Variants in CORO2B observed in about 807,000 individuals in gnomAD.
CORO2B encodes the protein coronin 2B.
In CORO2B, 26 loss-of-function variants were observed where a neutral mutation model predicts 58.8. That is an observed-to-expected ratio of 0.44 (90% CI 0.32 to 0.61). The LOEUF (loss-of-function observed/expected upper bound fraction) is 0.61, where lower values mean the gene tolerates loss of function less well. Among genes scored for constraint, CORO2B ranks in the 20% least tolerant of loss-of-function variants. CORO2B has a pLI of 0.04. For missense variants in CORO2B, 460 were observed against 645.1 expected (o/e 0.71, Z 3.11); for synonymous variants, 242 against 253.8 (o/e 0.95, Z 0.44).
At chr15:68,634,801 A>G (rs902777685) in intron 1 of CORO2B, among the ~76,000 whole-genome samples, 1 of 152,178 alleles carries the variant, frequency 6.6e-6, no homozygotes, top group Admixed American at 6.5e-5. Flanking sequence ...ATCTATGTGA[A>G]CCACCTGGAC....
At chr15:68,568,716 A>C in the CORO2B span, among the ~76,000 whole-genome samples, 2 of 152,168 alleles carry the variant, frequency 1.3e-5, no homozygotes, top group South Asian at 4.1e-4. Flanking sequence ...TTTATTTTTT[A>C]GAGCAGTTTT....
chr15:68,697,777 T>G (rs1892548984), intron 3 of CORO2B, among the ~76,000 whole-genome samples: 1 of 152,218 alleles, frequency 6.6e-6, no homozygotes, highest in Non-Finnish European at 1.5e-5. Context: ...CACCGGTTGC[T>G]TCCTGGGCTG....
rs549278425 is a variant in CORO2B at position 68,609,063 on chromosome 15, C to T, written c.15+29786C>T. 1.6e-3 allele frequency among the ~76,000 whole-genome samples: 242 copies of T among 152,258 alleles called. 1 individual carries two copies. Among genetic ancestry groups the T allele is most frequent in the Non-Finnish European group, 2.3e-3 (156 of 68,030 alleles). ...GACTGGAGAAATGCTGAGGCCAGGG[C>T]CCCCGGGTGCCTGCACGGTGCACTG... is the stretch of plus-strand genomic sequence containing the variant. On this transcript the variant is annotated intron_variant, in intron 1 of 11. Transcript: ENST00000261861.
In CORO2B at chr15:68,713,930, C is replaced by T; in HGVS notation, c.654C>T (p.Ala218=). The T allele has an allele frequency of 6.2e-7, 1 of 1,613,594 alleles. No individual in the cohort carries two copies. Among genetic ancestry groups the T allele is most frequent in the Non-Finnish European group, 8.5e-7 (1 of 1,179,638 alleles). Residue 218 remains alanine, a synonymous_variant, in exon 6 of 12, where the codon GCC becomes GCT. Transcript: ENST00000261861. ...EPRSGRVLQE[A]NCKNHRVNRV... ...CCTCCCTCTGTTCCTACTAGGAGGCCAACTGCAAAAACCACAGAGTGAACC... is the reference window on the plus strand; with the variant it reads ...CCTCCCTCTGTTCCTACTAGGAGGCTAACTGCAAAAACCACAGAGTGAACC...
chr15:68,594,663 C>T (rs1008132871), intron 1 of CORO2B, among the ~76,000 whole-genome samples: 3 of 152,240 alleles, frequency 2.0e-5, no homozygotes, highest in South Asian at 2.1e-4. Flanking sequence ...GGGCAGAAGC[C>T]GTGGGGAAAG....
chr15:68,641,354 A>G (rs916090222), intron 1 of CORO2B, among the ~76,000 whole-genome samples: 2 of 152,162 alleles, frequency 1.3e-5, no homozygotes, highest in African/African-American at 2.4e-5. Flanking sequence ...CACTCAAGAG[A>G]CCACAAGTGT....
At chr15:68,625,175 C>T (rs925929901) in intron 1 of CORO2B, among the ~76,000 whole-genome samples, 4 of 152,140 alleles carry the variant, frequency 2.6e-5, no homozygotes, top group South Asian at 4.2e-4. Flanking sequence ...TCAGGTGCCA[C>T]GCAGGGTTTA....
chr15:68,663,021 A>T (rs1209238044), intron 2 of CORO2B, among the ~76,000 whole-genome samples: 1 of 152,098 alleles, frequency 6.6e-6, no homozygotes, highest in Non-Finnish European at 1.5e-5. Context: ...AGCTTTTTCA[A>T]ATTGTCGCTA....
chr15:68,674,538 C>T (rs985620763), intron 2 of CORO2B, among the ~76,000 whole-genome samples: 16 of 152,208 alleles, frequency 1.1e-4, no homozygotes, highest in African/African-American at 3.6e-4. Context: ...TGTGGCCTGG[C>T]ACAGCCATCA....
intron 2 of CORO2B, among the ~76,000 whole-genome samples, chr15:68,668,553 G>A (rs1902273032): frequency 6.6e-6 from 1 of 152,150 alleles, no homozygotes; most frequent in African/African-American, 2.4e-5. Flanking sequence ...TAAAGAGCAT[G>A]CGGAAGAGTA....
chr15:68,632,408 G>C (rs973153923), intron 1 of CORO2B: 21 of 985,288 alleles, frequency 2.1e-5, no homozygotes, highest in Non-Finnish European at 2.3e-5. Context: ...AGCCAGACAG[G>C]ACTCTTCATT....
At chr15:68,719,290 G>C in intron 10 of CORO2B, 56 bp downstream of exon 10, 4 of 1,597,254 alleles carry the variant, frequency 2.5e-6, no homozygotes, top group Non-Finnish European at 3.4e-6. Flanking sequence ...TGCCTTCAGC[G>C]CAGCTCACCC....
At chr15:68,546,784 C>G in the CORO2B span, among the ~76,000 whole-genome samples, 2 of 152,150 alleles carry the variant, frequency 1.3e-5, no homozygotes, top group Non-Finnish European at 2.9e-5. Flanking sequence ...TTCTGCTGAC[C>G]TTGACTTTGA....
intron 2 of CORO2B, among the ~76,000 whole-genome samples, chr15:68,674,588 C>T (rs994318499): frequency 1.3e-5 from 2 of 152,160 alleles, no homozygotes; most frequent in Non-Finnish European, 2.9e-5. Context: ...AGTGCCCTCC[C>T]CAAACTGGAC....
the CORO2B span, among the ~76,000 whole-genome samples, chr15:68,534,653 A>G: frequency 9.9e-4 from 151 of 152,284 alleles, no homozygotes; most frequent in African/African-American, 3.6e-3. Context: ...CAATGCATTC[A>G]TTCTTCCTAC....
At chr15:68,714,989 G>T (rs990509436) in intron 7 of CORO2B, among the ~76,000 whole-genome samples, 1 of 152,134 alleles carries the variant, frequency 6.6e-6, no homozygotes. Context: ...TGTCAGAAAG[G>T]CTGTCTACAC....
intron 2 of CORO2B, among the ~76,000 whole-genome samples, chr15:68,693,917 C>T (rs371295018): frequency 2.0e-5 from 3 of 152,218 alleles, no homozygotes; most frequent in East Asian, 3.8e-4. Context: ...CTCACCGCAA[C>T]CTCCGCCTCC....
chr15:68,578,721 G>T (rs941506717), upstream of CORO2B, among the ~76,000 whole-genome samples: 1 of 152,020 alleles, frequency 6.6e-6, no homozygotes, highest in Admixed American at 6.5e-5. This position sits in a 1 kb window ranked among gnomAD's most constrained non-coding sequence, Gnocchi z 4.2. Context: ...GGCGCCGCCC[G>T]TTCTCCCAGC....
chr15:68,620,932 C>G (rs892077709), intron 1 of CORO2B, among the ~76,000 whole-genome samples: 1 of 152,170 alleles, frequency 6.6e-6, no homozygotes, highest in African/African-American at 2.4e-5. Context: ...GTCTGCTGGC[C>G]GAGCTCCACT....
Sources: gnomAD v4.1 joint callset for allele counts (sites outside exome capture counted in the v4.1 genomes callset) on GRCh38, gnomAD v4.1.1 for gene constraint, Gnocchi (gnomAD v3.1) non-coding constraint, MANE v1.5 for transcripts, NCBI Gene and HGNC (gene_info 2026-07-23, HGNC 2026-07-21) for gene names.